SPRING1: variants seen among roughly 807,000 people sequenced by gnomAD.
SPRING1 encodes the protein SREBP regulating gene protein.
A neutral mutation model predicts 24.7 loss-of-function variants in SPRING1; 14 were observed. The observed-to-expected ratio is 0.57, with a 90% CI of 0.37 to 0.88. The LOEUF is 0.88. Ranked by LOEUF, SPRING1 falls within the 40% of genes least tolerant of loss-of-function variation. The pLI, the probability that SPRING1 is intolerant of heterozygous loss-of-function variation, is 0.00. For synonymous variants in SPRING1, 93 were observed against 106.1 expected, an observed-to-expected ratio of 0.88 and a Z score of 0.76; for missense variants, 255 against 268.4, an observed-to-expected ratio of 0.95 and a Z score of 0.35.
At chr12:116,737,467 A>C (rs1249152100) in intron 1 of SPRING1, among the ~76,000 whole-genome samples, 7 of 143,880 alleles carry the variant, frequency 4.9e-5, no homozygotes, top group Admixed American at 4.8e-4. Flanking sequence ...AAGGGAAGGG[A>C]GAGGAAAAAG....
At chr12:116,736,755 C>G (rs534680888) in intron 1 of SPRING1, among the ~76,000 whole-genome samples, 14 of 152,258 alleles carry the variant, frequency 9.2e-5, no homozygotes, top group Middle Eastern at 3.4e-3. Flanking sequence ...GTAAGATTTC[C>G]CCACCCGTGC....
At chr12:116,719,714 C>G (rs753153840) in intron 4 of SPRING1, 49 bp downstream of exon 4, 4 of 1,513,470 alleles carry the variant, frequency 2.6e-6, no homozygotes, top group South Asian at 1.1e-5. Context: ...TAGTTTCCTT[C>G]TAACCCGTCA....
At chr12:116,727,890 T>G (rs987089255) in intron 1 of SPRING1, among the ~76,000 whole-genome samples, 6 of 152,080 alleles carry the variant, frequency 3.9e-5, no homozygotes, top group Non-Finnish European at 8.8e-5. Flanking sequence ...TATATATATC[T>G]CTCTCTCTTA....
chr12:116,733,434 G>A (rs189913797), intron 1 of SPRING1, among the ~76,000 whole-genome samples: 1 of 144,512 alleles, frequency 6.9e-6, no homozygotes, highest in Non-Finnish European at 1.5e-5. Flanking sequence ...TGCCCACCTC[G>A]GCCCTCCCAA....
chr12:116,720,117 C>A lies in SPRING1; in HGVS notation c.420+179G>T, dbSNP rs986890925. The A allele has an allele frequency of 1.2e-5, 10 of 826,908 alleles. No homozygotes were observed. Among genetic ancestry groups the A allele is most frequent in the Non-Finnish European group, 1.9e-5 (10 of 538,634 alleles). The allele number at this position is 826,908 out of a possible 1,614,324, so 51.2% of individuals were successfully genotyped here. ...CCATTCTGCAAAAGAACCATTCAAG[C>A]AACTGGGAACCACCTCCTTTCCTTA... On this transcript the variant is annotated intron_variant, in intron 3 of 4. Transcript: ENST00000261318. This position sits in a 1 kb window ranked among gnomAD's most constrained non-coding sequence, Gnocchi z 4.0.
chr12:116,717,676 G>T lies in SPRING1; in HGVS notation c.*134C>A. 1 of 769,606 alleles carries T rather than the reference G, an allele frequency of 1.3e-6. No homozygotes were observed. The highest frequency in any genetic ancestry group is 2.0e-6 in the Non-Finnish European group (1 of 493,480). The allele number at this position is 769,606 out of a possible 1,614,324, so 47.7% of individuals were successfully genotyped here. A position where few individuals can be genotyped will look rare whatever the true frequency, so the allele number is the denominator to read the frequency against. ...GCCAAAGATGACAACACGAGAAGGG[G>T]TCAAAGCCAAGGTTTCCTCACGCTG... is the stretch of plus-strand genomic sequence containing the variant. On this transcript the variant is annotated 3_prime_UTR_variant, in exon 5 of 5. Transcript: ENST00000261318. The surrounding 1 kb of genome is among the most constrained non-coding windows in gnomAD (Gnocchi z 4.2).
intron 2 of SPRING1, among the ~76,000 whole-genome samples, 177 bp downstream of exon 2, chr12:116,722,890 T>C (rs1870497226): frequency 2.0e-5 from 3 of 152,212 alleles, no homozygotes. Context: ...TTCTCTGATG[T>C]TGAAGGGAAC....
At position 116,717,667 on chromosome 12, in the gene SPRING1, C is replaced by G. The variant is rs56169403; in HGVS notation, c.*143G>C. On this transcript the variant is annotated 3_prime_UTR_variant, in exon 5 of 5. Coordinates refer to ENST00000261318, the MANE Select transcript of SPRING1 (RefSeq NM_024738.4). The surrounding 1 kb of genome is among the most constrained non-coding windows in gnomAD (Gnocchi z 4.2). ...GTGAGCGAAGCCAAAGATGACAACA[C>G]GAGAAGGGGTCAAAGCCAAGGTTTC... The G allele has an allele frequency of 1.0e-4, 68 of 683,042 alleles. No homozygotes were observed. The highest frequency in any genetic ancestry group is 1.5e-4 in the Non-Finnish European group (63 of 420,494). The allele number at this position is 683,042 out of a possible 1,614,324, so 42.3% of individuals were successfully genotyped here.
intron 1 of SPRING1, among the ~76,000 whole-genome samples, chr12:116,730,700 C>G (rs752431406): frequency 1.3e-5 from 2 of 149,630 alleles, no homozygotes; most frequent in Non-Finnish European, 3.0e-5. Flanking sequence ...TTACGCAGAT[C>G]TTCTAATTGA....
In SPRING1 at chr12:116,720,352, T is replaced by C; in HGVS notation, c.364A>G (p.Asn122Asp). 1 of 1,614,200 alleles carries C rather than the reference T, an allele frequency of 6.2e-7. No homozygotes were observed. The highest frequency in any genetic ancestry group is 8.5e-7 in the Non-Finnish European group (1 of 1,180,036). The part of the protein sequence containing the change: ...KQYCCDGCWP[N>D]GCCSAYEYCV... ...TACTCATAGGCGCTGCAGCAGCCGTTGGGCCAGCAGCCATCACAGCAGTAC... is the reference window on the plus strand; with the variant it reads ...TACTCATAGGCGCTGCAGCAGCCGTCGGGCCAGCAGCCATCACAGCAGTAC... The change falls in exon 3 of 5, where the codon AAC becomes GAC. Residue 122 changes from asparagine to aspartate, a missense_variant. Transcript: ENST00000261318. The surrounding 1 kb of genome is among the most constrained non-coding windows in gnomAD (Gnocchi z 4.0).
intron 1 of SPRING1, among the ~76,000 whole-genome samples, chr12:116,734,684 G>A (rs1871144230): frequency 6.6e-6 from 1 of 152,182 alleles, no homozygotes; most frequent in Non-Finnish European, 1.5e-5. Context: ...AGTGAGGCAA[G>A]ACAGATAAGC....
intron 1 of SPRING1, among the ~76,000 whole-genome samples, chr12:116,726,925 T>G (rs925663485): frequency 1.3e-5 from 2 of 152,200 alleles, no homozygotes; most frequent in African/African-American, 4.8e-5. Context: ...AGGAAAGCAA[T>G]TCTCCCAGCA....
intron 1 of SPRING1, among the ~76,000 whole-genome samples, chr12:116,737,364 G>A (rs1871280819): frequency 6.6e-6 from 1 of 151,576 alleles, no homozygotes; most frequent in Admixed American, 6.6e-5. Flanking sequence ...GAGGAAAGAG[G>A]ATGTCAGGGA....
rs1195416457 is a variant in SPRING1, at chr12:116,720,671, C to T, written c.269-224G>A. Among the ~76,000 whole-genome samples, 3 of 152,152 alleles carry T rather than the reference C, an allele frequency of 2.0e-5. No homozygotes were observed. The highest frequency in any genetic ancestry group is 4.4e-5 in the Non-Finnish European group (3 of 68,028). ...ACTCCCCTGTTATCGCCAGGCTACA[C>T]GTCGGAACCTACCTACACCTACTGT... On this transcript the variant is annotated intron_variant, in intron 2 of 4. Transcript: ENST00000261318. This position sits in a 1 kb window ranked among gnomAD's most constrained non-coding sequence, Gnocchi z 4.0.
chr12:116,732,876 T>C (rs1871047866), intron 1 of SPRING1, among the ~76,000 whole-genome samples: 1 of 152,162 alleles, frequency 6.6e-6, no homozygotes, highest in African/African-American at 2.4e-5. Context: ...AAAGAAACAG[T>C]AGCCCTAAGC....
At position 116,711,613 on chromosome 12, in the gene SPRING1, C is replaced by G. The variant is rs1315021406; in HGVS notation, c.*6197G>C. 6.6e-6 allele frequency: 1 copy of G among 152,104 alleles called. No individual in the cohort carries two copies. Among genetic ancestry groups the G allele is most frequent in the Non-Finnish European group, 1.5e-5 (1 of 68,018 alleles). 9.4% of individuals were successfully genotyped at this position (152,104 alleles called of 1,614,324 possible). A position where few individuals can be genotyped will look rare whatever the true frequency, so the allele number is the denominator to read the frequency against. On this transcript the variant is annotated 3_prime_UTR_variant, in exon 5 of 5. Coordinates refer to ENST00000261318, the MANE Select transcript of SPRING1 (RefSeq NM_024738.4). ...TGATAATGGTGATTTCTCATTTAGA[C>G]AACACTTTTTTCCCCTCCTCAGACA...
intron 1 of SPRING1, among the ~76,000 whole-genome samples, chr12:116,730,292 A>C (rs1375121126): frequency 6.7e-6 from 1 of 150,288 alleles, no homozygotes; most frequent in African/African-American, 2.5e-5. Context: ...TGCAACTTCC[A>C]CCTCAGGTTC....
intron 2 of SPRING1, among the ~76,000 whole-genome samples, chr12:116,721,249 G>GT (rs1870421085): frequency 2.0e-5 from 3 of 152,180 alleles, no homozygotes; most frequent in Admixed American, 2.0e-4. Flanking sequence ...ACAGAAAAAT[G>GT]TAAGGATAGG....
chr12:116,732,515 C>T (rs919629356), intron 1 of SPRING1, among the ~76,000 whole-genome samples: 1 of 152,160 alleles, frequency 6.6e-6, no homozygotes, highest in African/African-American at 2.4e-5. Flanking sequence ...CGAGACCAGC[C>T]TGGCCAACAT....
Sources: gnomAD v4.1 joint callset for allele counts (sites outside exome capture counted in the v4.1 genomes callset) on GRCh38, gnomAD v4.1.1 for gene constraint, Gnocchi (gnomAD v3.1) non-coding constraint, MANE v1.5 for transcripts, NCBI Gene and HGNC (gene_info 2026-07-23, HGNC 2026-07-21) for gene names.